The following PLCL2 variants were observed in gnomAD, a reference collection of about 807,000 sequenced individuals.
The protein encoded by PLCL2 is phospholipase C like 2.
PLCL2 carries 4 observed loss-of-function variants against 79.6 expected under a neutral mutation model. The observed-to-expected ratio is 0.05, with a 90% CI of 0.02 to 0.11. The LOEUF (loss-of-function observed/expected upper bound fraction) is 0.11, where lower values mean the gene tolerates loss of function less well. Ranked by LOEUF, PLCL2 falls within the 10% of genes least tolerant of loss-of-function variation. The pLI is 1.00. For missense variants in PLCL2, 895 were observed against 1,291.0 expected (o/e 0.69, Z 4.70); for synonymous variants, 484 against 457.7 (o/e 1.06, Z -0.73).
intron 1 of PLCL2, among the ~76,000 whole-genome samples, chr3:16,956,240 G>T (rs1213798316): frequency 6.6e-6 from 1 of 152,132 alleles, no homozygotes; most frequent in Non-Finnish European, 1.5e-5. Flanking sequence ...TAGCATGAAG[G>T]GCTGTTGAAT....
intron 1 of PLCL2, among the ~76,000 whole-genome samples, chr3:16,980,868 C>T (rs2063985902): frequency 6.6e-6 from 1 of 152,256 alleles, no homozygotes; most frequent in African/African-American, 2.4e-5. Context: ...GTGAACGAGA[C>T]TCCGTCTGCA....
intron 3 of PLCL2, among the ~76,000 whole-genome samples, chr3:17,022,367 T>C (rs1187871644): frequency 1.3e-5 from 2 of 152,188 alleles, no homozygotes; most frequent in Admixed American, 1.3e-4. Flanking sequence ...TGGATTTTGC[T>C]CCTGTATAAT....
At chr3:17,074,501 G>A (rs1224286749) in intron 5 of PLCL2, among the ~76,000 whole-genome samples, 2 of 152,204 alleles carry the variant, frequency 1.3e-5, no homozygotes, top group African/African-American at 4.8e-5. Flanking sequence ...ACAGCCACCA[G>A]CTGCATTATT....
chr3:16,987,050 G>A (rs1575572439), intron 1 of PLCL2, among the ~76,000 whole-genome samples: 1 of 151,222 alleles, frequency 6.6e-6, no homozygotes, highest in African/African-American at 2.4e-5. Context: ...CCCCATAAAT[G>A]TCAGACTTTT....
chr3:16,991,944 A>T (rs1229453141), intron 1 of PLCL2, among the ~76,000 whole-genome samples: 1 of 152,208 alleles, frequency 6.6e-6, no homozygotes, highest in African/African-American at 2.4e-5. Flanking sequence ...TTCAAATTAC[A>T]TTAAAAGATA....
At chr3:16,955,065 C>T (rs912130194) in intron 1 of PLCL2, among the ~76,000 whole-genome samples, 4 of 152,112 alleles carry the variant, frequency 2.6e-5, no homozygotes, top group Non-Finnish European at 5.9e-5. Flanking sequence ...CTTTTGTTGC[C>T]ATTGCTTTTG....
chr3:16,974,946 G>A (rs994018014), intron 1 of PLCL2, among the ~76,000 whole-genome samples: 11 of 152,120 alleles, frequency 7.2e-5, no homozygotes, highest in African/African-American at 1.9e-4. Context: ...GAATTCCTCC[G>A]GAGTCTCCTG....
chr3:17,050,875 G>A (rs2064832221), intron 4 of PLCL2, among the ~76,000 whole-genome samples: 1 of 152,188 alleles, frequency 6.6e-6, no homozygotes, highest in Non-Finnish European at 1.5e-5. Flanking sequence ...GTTCACACTA[G>A]CCAAGATGTG....
intron 1 of PLCL2, among the ~76,000 whole-genome samples, chr3:16,924,608 C>T (rs892273129): frequency 1.3e-5 from 2 of 152,144 alleles, no homozygotes; most frequent in African/African-American, 2.4e-5. Flanking sequence ...AGCATGCACT[C>T]GGCCCTAGCA....
At chr3:17,039,819 G>C (rs1193410236) in intron 3 of PLCL2, among the ~76,000 whole-genome samples, 1 of 152,134 alleles carries the variant, frequency 6.6e-6, no homozygotes, top group East Asian at 1.9e-4. Context: ...TGAAGTATTA[G>C]TCATCTTCAT....
chr3:16,965,077 A>G (rs79202736), intron 1 of PLCL2, among the ~76,000 whole-genome samples: 89,440 of 150,692 alleles, frequency 0.59, 26,944 homozygotes, highest in African/African-American at 0.69. Context: ...TTGGTGTTTT[A>G]GACATGAAGT....
intron 1 of PLCL2, among the ~76,000 whole-genome samples, chr3:16,998,856 C>G (rs953481681): frequency 6.6e-6 from 1 of 152,156 alleles, no homozygotes; most frequent in Non-Finnish European, 1.5e-5. Flanking sequence ...GAACCTTTAA[C>G]CTGACTTTGA....
At chr3:17,058,212 GC>G (rs1027268635) in intron 4 of PLCL2, among the ~76,000 whole-genome samples, 6 of 152,304 alleles carry the variant, frequency 3.9e-5, no homozygotes, top group African/African-American at 1.4e-4. Context: ...GGGCAATACA[GC>G]CCCGGCCAGC....
intron 1 of PLCL2, among the ~76,000 whole-genome samples, chr3:16,995,379 T>C (rs1283186614): frequency 1.3e-5 from 2 of 152,376 alleles, no homozygotes; most frequent in East Asian, 1.9e-4. Flanking sequence ...ATCAGTTTTG[T>C]ACAAATTTGT....
intron 1 of PLCL2, among the ~76,000 whole-genome samples, chr3:16,990,145 A>G (rs965822514): frequency 2.0e-5 from 3 of 152,222 alleles, no homozygotes; most frequent in African/African-American, 7.2e-5. Flanking sequence ...TGATAGCAGT[A>G]GTAATGTCAA....
chr3:16,948,386 TGAC>T (rs764266121), intron 1 of PLCL2, among the ~76,000 whole-genome samples: 80 of 151,940 alleles, frequency 5.3e-4, no homozygotes, highest in Middle Eastern at 3.4e-3. Context: ...ACAAGGGGAG[TGAC>T]TGCTAATGGG....
At position 17,082,918 on chromosome 3, in the gene PLCL2, G is replaced by T. The variant is rs533071848; in HGVS notation, c.3205-6815G>T. Among the ~76,000 whole-genome samples the T allele has an allele frequency of 5.9e-5, 9 of 152,174 alleles. No individual in the cohort carries two copies. The East Asian group carries it at 1.4e-3, about 23-fold the overall frequency. ...AGAAAAAGACAAAACTCATTGTTTA[G>T]GGGGCAGCTGTGAGATTAAAGGGGA... On this transcript the variant is annotated intron_variant, in intron 5 of 5. Coordinates refer to ENST00000615277, the MANE Select transcript of PLCL2 (RefSeq NM_001144382.2).
intron 1 of PLCL2, among the ~76,000 whole-genome samples, chr3:16,983,455 G>C (rs1028985642): frequency 6.6e-6 from 1 of 152,146 alleles, no homozygotes; most frequent in Admixed American, 6.5e-5. Flanking sequence ...GATCACCTGA[G>C]GTCAGGAGTT....
At chr3:16,892,546 G>C (rs1696374445) in intron 1 of PLCL2, among the ~76,000 whole-genome samples, 1 of 152,058 alleles carries the variant, frequency 6.6e-6, no homozygotes, top group Non-Finnish European at 1.5e-5. Flanking sequence ...ATTAATATTT[G>C]CTAGTCACAT....
Sources: gnomAD v4.1 joint callset for allele counts (sites outside exome capture counted in the v4.1 genomes callset) on GRCh38, gnomAD v4.1.1 for gene constraint, MANE v1.5 for transcripts, NCBI Gene and HGNC (gene_info 2026-07-23, HGNC 2026-07-21) for gene names.